Variants in P2RX3 observed in about 807,000 individuals in gnomAD.
P2RX3 encodes P2X purinoceptor 3.
P2RX3 carries 41 observed loss-of-function variants against 51.5 expected under a neutral mutation model. That is an observed-to-expected ratio of 0.80 (90% CI 0.62 to 1.03). P2RX3 has a LOEUF of 1.03. Among genes scored for constraint, P2RX3 ranks in the 50% least tolerant of loss-of-function variants. The pLI, the probability that P2RX3 is intolerant of heterozygous loss-of-function variation, is 0.00. For missense variants in P2RX3, 459 were observed against 522.1 expected, an observed-to-expected ratio of 0.88 and a Z score of 1.18; for synonymous variants, 185 against 191.6, an observed-to-expected ratio of 0.97 and a Z score of 0.29.
chr11:57,355,339 T>C (rs1475733227), intron 8 of P2RX3, among the ~76,000 whole-genome samples: 4 of 148,286 alleles, frequency 2.7e-5, no homozygotes, highest in African/African-American at 9.9e-5. Flanking sequence ...TATTTCTTTT[T>C]TTTTTTTTTT....
chr11:57,364,096 T>C (rs74628114), intron 8 of P2RX3, among the ~76,000 whole-genome samples: 8,180 of 152,254 alleles, frequency 0.054, 306 homozygotes, highest in Middle Eastern at 0.11. Context: ...TTTTCATGGT[T>C]GCAGCCTTTG....
chr11:57,366,468 A>AATCTTGGAC lies in P2RX3; in HGVS notation c.843-1540_843-1532dup, dbSNP rs377654672. Among the ~76,000 whole-genome samples, 9 of 151,858 alleles carry AATCTTGGAC rather than the reference A, an allele frequency of 5.9e-5. No individual in the cohort carries two copies. In the East Asian group the frequency reaches 9.7e-4, roughly 16 times the overall value. On this transcript the variant is annotated intron_variant, in intron 8 of 11. Transcript: ENST00000263314. ...AAGGCAGAGAAGGTGCAGGGGTCAAAATCTTGGACTTGGGCAAATCTAGTG... is the reference window on the plus strand; with the variant it reads ...AAGGCAGAGAAGGTGCAGGGGTCAAAATCTTGGACATCTTGGACTTGGGCAAATCTAGTG...
chr11:57,366,848 C>A (rs1354270007), intron 8 of P2RX3, among the ~76,000 whole-genome samples: 1 of 151,996 alleles, frequency 6.6e-6, no homozygotes, highest in Non-Finnish European at 1.5e-5. Flanking sequence ...CACCAGTTCC[C>A]CTCCCATGAT....
At chr11:57,342,240 A>C in intron 1 of P2RX3, among the ~76,000 whole-genome samples, 1 of 132,836 alleles carries the variant, frequency 7.5e-6, no homozygotes. Flanking sequence ...ACTCACTGCA[A>C]CCTCCGCCTC....
intron 8 of P2RX3, among the ~76,000 whole-genome samples, chr11:57,355,106 C>A (rs1013101620): frequency 6.6e-6 from 1 of 152,136 alleles, no homozygotes; most frequent in Non-Finnish European, 1.5e-5. Context: ...CAGCCCAGGG[C>A]AGGGCGAGGA....
chr11:57,339,650 A>G (rs1358188800), intron 1 of P2RX3, among the ~76,000 whole-genome samples: 1 of 152,170 alleles, frequency 6.6e-6, no homozygotes, highest in Non-Finnish European at 1.5e-5. Flanking sequence ...GAAACCTCGA[A>G]GGTTTTCTTT....
At chr11:57,352,594 A>C (rs1489184395) in intron 8 of P2RX3, among the ~76,000 whole-genome samples, 1 of 152,220 alleles carries the variant, frequency 6.6e-6, no homozygotes, top group African/African-American at 2.4e-5. Flanking sequence ...AAGAATGTGA[A>C]TATTATAAAG....
intron 8 of P2RX3, among the ~76,000 whole-genome samples, chr11:57,355,207 C>T (rs780842741): frequency 2.1e-4 from 32 of 152,180 alleles, no homozygotes; most frequent in Non-Finnish European, 4.0e-4. Flanking sequence ...CCTTCCTTAA[C>T]TTTCAGAGGT....
At chr11:57,350,617 G>A in intron 7 of P2RX3, 145 bp from the exon 8 acceptor site, 1 of 1,112,312 alleles carries the variant, frequency 9.0e-7, no homozygotes, top group South Asian at 1.5e-5. Context: ...TATATGACAT[G>A]TCACTTTCCG....
At chr11:57,364,960 A>G (rs574511349) in intron 8 of P2RX3, among the ~76,000 whole-genome samples, 12 of 152,086 alleles carry the variant, frequency 7.9e-5, no homozygotes, top group African/African-American at 2.7e-4. Context: ...ACAGCCCACA[A>G]GGAAACACCT....
At chr11:57,363,641 G>A (rs1433232069) in intron 8 of P2RX3, among the ~76,000 whole-genome samples, 4 of 152,194 alleles carry the variant, frequency 2.6e-5, no homozygotes, top group African/African-American at 7.2e-5. Context: ...AAATGCAGGG[G>A]ACTGGGAAAT....
chr11:57,358,363 A>G (rs186830359), intron 8 of P2RX3, among the ~76,000 whole-genome samples: 11 of 152,366 alleles, frequency 7.2e-5, no homozygotes, highest in Admixed American at 5.2e-4. Context: ...TGGCGAATAC[A>G]GAGATGAACA....
At chr11:57,369,274 T>A in intron 10 of P2RX3, 87 bp from the exon 11 acceptor site, 1 of 1,143,488 alleles carries the variant, frequency 8.7e-7, no homozygotes, top group Non-Finnish European at 1.3e-6. Flanking sequence ...AGCTTGGGGG[T>A]GCTGCCCGAG....
chr11:57,369,549 G>A (rs1377599452), intron 11 of P2RX3, 111 bp downstream of exon 11: 7 of 997,800 alleles, frequency 7.0e-6, no homozygotes, highest in Non-Finnish European at 1.0e-5. Context: ...GGGTTCACCA[G>A]GCCTCAATGA....
intron 4 of P2RX3, 74 bp downstream of exon 4, chr11:57,347,552 G>A: frequency 6.8e-7 from 1 of 1,470,160 alleles, no homozygotes; most frequent in Admixed American, 2.0e-5. Flanking sequence ...CGTCGTTGGA[G>A]AGGGAGTGGG....
chr11:57,338,065 TGAA>T (rs1856267636), upstream of P2RX3, among the ~76,000 whole-genome samples: 1 of 152,166 alleles, frequency 6.6e-6, no homozygotes, highest in African/African-American at 2.4e-5. Context: ...CACTCAGGAA[TGAA>T]GAGGGTCCTT....
chr11:57,344,136 G>A (rs1003261610), intron 1 of P2RX3, among the ~76,000 whole-genome samples: 1 of 152,218 alleles, frequency 6.6e-6, no homozygotes, highest in Non-Finnish European at 1.5e-5. Context: ...ACTCTAAGTG[G>A]TGCGTTAATC....
At chr11:57,344,864 A>G (rs1049653827) in intron 1 of P2RX3, among the ~76,000 whole-genome samples, 1 of 151,672 alleles carries the variant, frequency 6.6e-6, no homozygotes, top group African/African-American at 2.4e-5. Flanking sequence ...TTTGCAGTAA[A>G]TAGGATTGTG....
At chr11:57,347,711 C>T (rs1455131133) in intron 4 of P2RX3, among the ~76,000 whole-genome samples, 1 of 152,074 alleles carries the variant, frequency 6.6e-6, no homozygotes, top group African/African-American at 2.4e-5. Flanking sequence ...CTTGAAGTGG[C>T]CTGTGCTGTC....
Sources: gnomAD v4.1 joint callset for allele counts (sites outside exome capture counted in the v4.1 genomes callset) on GRCh38, gnomAD v4.1.1 for gene constraint, MANE v1.5 for transcripts, NCBI Gene and HGNC (gene_info 2026-07-23, HGNC 2026-07-21) for gene names.